Variants in KIAA1671 observed in about 807,000 individuals in gnomAD.
The protein encoded by KIAA1671 is KIAA1671.
KIAA1671 carries 52 observed loss-of-function variants against 131.2 expected under a neutral mutation model. The ratio of observed to expected loss-of-function variants is 0.40; its 90% confidence interval spans 0.32 to 0.50. KIAA1671 has a LOEUF of 0.50. Ranked by LOEUF, KIAA1671 falls within the 20% of genes least tolerant of loss-of-function variation. The probability of loss-of-function intolerance (pLI) is 0.73; values close to 1 mark genes in which losing one functional copy is unlikely to be tolerated. For synonymous variants in KIAA1671, 1,003 were observed against 961.6 expected, an observed-to-expected ratio of 1.04 and a Z score of -0.80; for missense variants, 2,360 against 2,364.2, an observed-to-expected ratio of 1.00 and a Z score of 0.04.
chr22:25,139,264 G>A (rs796273132), intron 6 of KIAA1671, among the ~76,000 whole-genome samples: 7 of 152,362 alleles, frequency 4.6e-5, no homozygotes, highest in African/African-American at 1.7e-4. Context: ...CTCACCCTGG[G>A]AAGGCTGCAG....
Position 25,041,247 on chromosome 22 carries a change from A to C in KIAA1671, c.4117A>C (p.Lys1373Gln). 1 of 1,551,698 alleles carries C rather than the reference A, an allele frequency of 6.4e-7. No individual in the cohort carries two copies. The highest frequency in any genetic ancestry group is 2.4e-5 in the East Asian group (1 of 40,898). ...SPKSPPTDQK[K>Q]GTPRKSTGRG... ...CAAATCGCCCCCCACTGACCAGAAG[A>C]AAGGGACCCCAAGGAAATCCACCGG... The change falls in exon 5 of 13, where the codon AAA becomes CAA. Residue 1373 changes from lysine (K) to glutamine (Q), a missense_variant. Lys to Gln is a moderately conservative substitution (Grantham distance 53). This residue lies in a region of KIAA1671 where 1,161 missense variants were observed against 1,204.7 expected (regional missense o/e 0.96). Coordinates refer to ENST00000358431, the MANE Select transcript of KIAA1671 (RefSeq NM_001145206.2).
intron 6 of KIAA1671, among the ~76,000 whole-genome samples, chr22:25,071,359 T>C (rs1438812947): frequency 2.0e-5 from 3 of 152,326 alleles, no homozygotes; most frequent in Non-Finnish European, 4.4e-5. Flanking sequence ...TTAGGAAACA[T>C]TGCCTTTTAG....
chr22:25,078,640 A>G (rs561990730), intron 6 of KIAA1671, among the ~76,000 whole-genome samples: 1 of 152,354 alleles, frequency 6.6e-6, no homozygotes, highest in African/African-American at 2.4e-5. Context: ...CTGGCACTCC[A>G]TACGCACACC....
intron 1 of KIAA1671, among the ~76,000 whole-genome samples, chr22:24,997,250 C>G (rs1447592702): frequency 2.6e-5 from 4 of 152,126 alleles, no homozygotes; most frequent in Non-Finnish European, 4.4e-5. Context: ...CCTACCTGGG[C>G]TGGCTGCAGG....
chr22:25,066,598 A>G (rs1008013655), intron 6 of KIAA1671, among the ~76,000 whole-genome samples: 2 of 152,226 alleles, frequency 1.3e-5, no homozygotes, highest in Admixed American at 6.5e-5. Flanking sequence ...CATTCAAACC[A>G]TAGCCCTGGA....
chr22:24,999,333 C>T lies in KIAA1671; in HGVS notation c.-207-26300C>T, dbSNP rs140309966. Among the ~76,000 whole-genome samples, 876 of 152,274 alleles carry T rather than the reference C, an allele frequency of 5.8e-3. 8 individuals are homozygous for T. Among genetic ancestry groups the T allele is most frequent in the Non-Finnish European group, 9.1e-3 (622 of 68,012 alleles). ...CACTGCAGCCTCAACCTCCTGGGCTCAATTCACCCACCTCAGCCTCCTGGG... is the reference window on the plus strand; with the variant it reads ...CACTGCAGCCTCAACCTCCTGGGCTTAATTCACCCACCTCAGCCTCCTGGG... On this transcript the variant is annotated intron_variant, in intron 1 of 12. Transcript: ENST00000358431.
At chr22:25,106,799 T>A (rs1042405332) in intron 6 of KIAA1671, among the ~76,000 whole-genome samples, 2 of 152,258 alleles carry the variant, frequency 1.3e-5, no homozygotes, top group African/African-American at 4.8e-5. Flanking sequence ...GTATTACTTA[T>A]TTTTTTCCTT....
chr22:24,955,960 G>A (rs1471370860), intron 1 of KIAA1671, among the ~76,000 whole-genome samples: 1 of 150,846 alleles, frequency 6.6e-6, no homozygotes, highest in Non-Finnish European at 1.5e-5. Flanking sequence ...GGGAGGCGGA[G>A]CTTGCAGTGA....
intron 11 of KIAA1671, 32 bp downstream of exon 11, chr22:25,185,151 C>T (rs1483244592): frequency 4.6e-6 from 7 of 1,520,990 alleles, no homozygotes; most frequent in Non-Finnish European, 6.2e-6. Context: ...GGGTCCCTCT[C>T]CTTCCAAACT....
chr22:25,164,398 G>T (rs887867942), intron 6 of KIAA1671, among the ~76,000 whole-genome samples: 1 of 152,204 alleles, frequency 6.6e-6, no homozygotes, highest in South Asian at 2.1e-4. Flanking sequence ...GTCCGTCCAG[G>T]TGTACATTAC....
At chr22:25,185,265 A>T in intron 11 of KIAA1671, 146 bp downstream of exon 11, 1 of 920,636 alleles carries the variant, frequency 1.1e-6, no homozygotes, top group Non-Finnish European at 1.6e-6. Context: ...GTTCATGAGA[A>T]TTCTCAATAC....
At chr22:25,009,227 T>C (rs1924899232) in intron 1 of KIAA1671, among the ~76,000 whole-genome samples, 1 of 151,472 alleles carries the variant, frequency 6.6e-6, no homozygotes, top group Admixed American at 6.6e-5. Context: ...TTGGTGTTTA[T>C]ATTTCTTGGC....
At chr22:25,143,049 T>C (rs1418129799) in intron 6 of KIAA1671, among the ~76,000 whole-genome samples, 1 of 152,164 alleles carries the variant, frequency 6.6e-6, no homozygotes, top group Non-Finnish European at 1.5e-5. Context: ...CAAAGGCTGA[T>C]GAGGGGCTGT....
intron 6 of KIAA1671, among the ~76,000 whole-genome samples, chr22:25,111,174 C>CGTTT (rs1356211129): frequency 6.6e-6 from 1 of 152,216 alleles, no homozygotes; most frequent in African/African-American, 2.4e-5. Flanking sequence ...AGGCAGAAGC[C>CGTTT]GTTTCCCAGC....
At chr22:25,007,914 G>A (rs890876855) in intron 1 of KIAA1671, among the ~76,000 whole-genome samples, 2 of 151,852 alleles carry the variant, frequency 1.3e-5, no homozygotes, top group Admixed American at 6.6e-5. Context: ...AGTTGCTGTC[G>A]GCCAGGCACG....
chr22:25,093,770 C>G (rs797000783), intron 6 of KIAA1671, among the ~76,000 whole-genome samples: 6 of 57,638 alleles, frequency 1.0e-4, no homozygotes, highest in Non-Finnish European at 1.8e-4. Context: ...CTCTCTCTGT[C>G]TCTCTCTCTC....
chr22:25,089,538 T>A (rs1310721641), intron 6 of KIAA1671, among the ~76,000 whole-genome samples: 1 of 152,106 alleles, frequency 6.6e-6, no homozygotes, highest in Non-Finnish European at 1.5e-5. Flanking sequence ...CCTCTCAAAG[T>A]GCTGGGATTA....
chr22:25,014,307 A>G (rs1456323088), intron 1 of KIAA1671: 1 of 152,224 alleles, frequency 6.6e-6, no homozygotes, highest in Non-Finnish European at 1.5e-5. Flanking sequence ...AAATTTCTAA[A>G]TAGGATGCAT....
intron 6 of KIAA1671, among the ~76,000 whole-genome samples, chr22:25,158,647 G>A (rs1207474707): frequency 1.3e-5 from 2 of 152,124 alleles, no homozygotes; most frequent in Non-Finnish European, 1.5e-5. Flanking sequence ...ACTGCAGTGG[G>A]CGTTGGTAGA....
Sources: allele counts gnomAD v4.1 joint callset (sites outside exome capture counted in the v4.1 genomes callset), GRCh38; gene constraint gnomAD v4.1.1; regional missense constraint gnomAD v4.1.1; transcripts MANE v1.5; gene names NCBI Gene and HGNC (gene_info 2026-07-23, HGNC 2026-07-21).